FHIT: variants seen among roughly 807,000 people sequenced by gnomAD.
FHIT encodes the protein fragile histidine triad diadenosine triphosphatase, also known as bis(5'-adenosyl)-triphosphatase.
FHIT carries 19 observed loss-of-function variants against 17.9 expected under a neutral mutation model. The ratio of observed to expected loss-of-function variants is 1.06; its 90% CI spans 0.74 to 1.56. The LOEUF is 1.56. Among genes scored for constraint, FHIT ranks in the 40% most tolerant of loss-of-function variants. FHIT has a pLI of 0.00. For missense variants in FHIT, 248 were observed against 189.2 expected (o/e 1.31, Z -1.82); for synonymous variants, 81 against 69.7 (o/e 1.16, Z -0.81).
At chr3:60,814,385 T>C (rs527465063) in intron 4 of FHIT, among the ~76,000 whole-genome samples, 2 of 152,218 alleles carry the variant, frequency 1.3e-5, no homozygotes, top group East Asian at 3.9e-4. Context: ...TAGTCCCCAG[T>C]GTCTATTGTT....
intron 5 of FHIT, among the ~76,000 whole-genome samples, chr3:60,155,996 T>C (rs1700672407): frequency 6.6e-6 from 1 of 152,168 alleles, no homozygotes; most frequent in Non-Finnish European, 1.5e-5. Flanking sequence ...TTCATTTTAA[T>C]TGTTGCTTAG....
chr3:59,926,000 T>C (rs1400547569), intron 7 of FHIT, among the ~76,000 whole-genome samples: 1 of 152,256 alleles, frequency 6.6e-6, no homozygotes, highest in African/African-American at 2.4e-5. Flanking sequence ...CACAACTTAC[T>C]TTTCTAAGTG....
chr3:59,887,862 C>T (rs1458929059), intron 8 of FHIT, among the ~76,000 whole-genome samples: 4 of 152,194 alleles, frequency 2.6e-5, no homozygotes, highest in African/African-American at 7.2e-5. Context: ...TCCCTTTCTC[C>T]AAGATGTATT....
chr3:60,566,636 G>C (rs1375156406), intron 4 of FHIT, among the ~76,000 whole-genome samples: 1 of 152,040 alleles, frequency 6.6e-6, no homozygotes, highest in Non-Finnish European at 1.5e-5. Flanking sequence ...AGGAAATAAA[G>C]GGCATTCAGT....
At chr3:60,757,358 A>T (rs1306881127) in intron 4 of FHIT, among the ~76,000 whole-genome samples, 1 of 152,232 alleles carries the variant, frequency 6.6e-6, no homozygotes, top group Non-Finnish European at 1.5e-5. Flanking sequence ...GTTCAGATTG[A>T]ACAAAGCAAT....
chr3:60,737,064 G>A (rs1341813901), intron 4 of FHIT, among the ~76,000 whole-genome samples: 1 of 152,148 alleles, frequency 6.6e-6, no homozygotes, highest in Non-Finnish European at 1.5e-5. Flanking sequence ...CAAATATATA[G>A]CAGGCATACA....
chr3:60,203,512 A>G (rs1194899263), intron 5 of FHIT, among the ~76,000 whole-genome samples: 11 of 152,218 alleles, frequency 7.2e-5, no homozygotes, highest in Non-Finnish European at 1.0e-4. Flanking sequence ...AAGAGTTTTT[A>G]TCACTGAAAG....
intron 3 of FHIT, among the ~76,000 whole-genome samples, chr3:60,966,106 C>T (rs1051129751): frequency 2.0e-5 from 3 of 152,140 alleles, no homozygotes; most frequent in South Asian, 2.1e-4. Flanking sequence ...GCTTCTAGGC[C>T]GCTTTGTTTA....
intron 4 of FHIT, among the ~76,000 whole-genome samples, chr3:60,606,294 G>A (rs1263434735): frequency 6.6e-6 from 1 of 150,572 alleles, no homozygotes; most frequent in African/African-American, 2.5e-5. Flanking sequence ...AGGCTGGAGT[G>A]CAGTGACGCA....
chr3:59,755,901 CGA>C (rs1340649296), intron 8 of FHIT, among the ~76,000 whole-genome samples: 1 of 151,788 alleles, frequency 6.6e-6, no homozygotes, highest in Non-Finnish European at 1.5e-5. Flanking sequence ...TCCAAGAAGG[CGA>C]GAGTTAGTTA....
At chr3:60,117,236 C>G (rs999167816) in intron 5 of FHIT, among the ~76,000 whole-genome samples, 21 of 151,974 alleles carry the variant, frequency 1.4e-4, no homozygotes, top group African/African-American at 4.8e-4. Flanking sequence ...CCCTACAAGC[C>G]GAAGACATTT....
chr3:60,577,516 C>T (rs1553657995), intron 4 of FHIT, among the ~76,000 whole-genome samples: 1 of 152,076 alleles, frequency 6.6e-6, no homozygotes, highest in Non-Finnish European at 1.5e-5. Flanking sequence ...TTAACGAAAA[C>T]GTAGTCAATG....
intron 3 of FHIT, among the ~76,000 whole-genome samples, chr3:60,937,789 C>G (rs1384787612): frequency 1.3e-5 from 2 of 152,032 alleles, no homozygotes; most frequent in Non-Finnish European, 2.9e-5. Flanking sequence ...GTCTTCAACT[C>G]CTGACCTTGT....
intron 5 of FHIT, among the ~76,000 whole-genome samples, chr3:60,196,094 T>C (rs1368106663): frequency 6.6e-6 from 1 of 152,174 alleles, no homozygotes; most frequent in Non-Finnish European, 1.5e-5. Context: ...AGGATGGACA[T>C]ATTAGTTTAT....
intron 5 of FHIT, among the ~76,000 whole-genome samples, chr3:60,047,356 T>C (rs770282855): frequency 1.3e-5 from 2 of 152,210 alleles, no homozygotes; most frequent in Non-Finnish European, 1.5e-5. Context: ...AATCTCTCAG[T>C]GCTTCCAAAT....
At chr3:60,556,695 G>A (rs2036750954) in intron 4 of FHIT, among the ~76,000 whole-genome samples, 1 of 152,184 alleles carries the variant, frequency 6.6e-6, no homozygotes, top group Non-Finnish European at 1.5e-5. Flanking sequence ...GAGGGCCTGG[G>A]GTGGGTTTTG....
At chr3:61,040,047 A>T (rs1336332102) in intron 3 of FHIT, among the ~76,000 whole-genome samples, 1 of 152,206 alleles carries the variant, frequency 6.6e-6, no homozygotes, top group Non-Finnish European at 1.5e-5. Flanking sequence ...CATGGTGAAT[A>T]ATACTGTGGT....
chr3:59,757,728 A>G (rs1469050370), intron 8 of FHIT, among the ~76,000 whole-genome samples: 1 of 152,222 alleles, frequency 6.6e-6, no homozygotes, highest in Non-Finnish European at 1.5e-5. Context: ...TTTCATTATT[A>G]TCACTTTTAT....
intron 4 of FHIT, among the ~76,000 whole-genome samples, chr3:60,555,792 C>G (rs754881408): frequency 3.9e-5 from 6 of 152,212 alleles, no homozygotes; most frequent in Non-Finnish European, 7.3e-5. Context: ...AACAAGCTAG[C>G]AGACTGAGAC....
Sources: allele counts gnomAD v4.1 joint callset (sites outside exome capture counted in the v4.1 genomes callset), GRCh38; gene constraint gnomAD v4.1.1; transcripts MANE v1.5; gene names NCBI Gene and HGNC (gene_info 2026-07-23, HGNC 2026-07-21).